Variants in PTPRG observed in about 807,000 individuals in gnomAD.
The protein encoded by PTPRG is protein tyrosine phosphatase receptor type G.
PTPRG carries 102 observed loss-of-function variants against 165.3 expected under a neutral mutation model. That is an observed-to-expected ratio of 0.62 (90% CI 0.53 to 0.73). PTPRG has a LOEUF of 0.73. Among genes scored for constraint, PTPRG ranks in the 30% least tolerant of loss-of-function variants. The pLI is 0.00. For synonymous variants in PTPRG, 675 were observed against 669.5 expected (o/e 1.01, Z -0.13); for missense variants, 1,866 against 1,861.4 (o/e 1.00, Z -0.05).
At chr3:61,893,445 G>C (rs925831064) in intron 2 of PTPRG, among the ~76,000 whole-genome samples, 3 of 152,208 alleles carry the variant, frequency 2.0e-5, no homozygotes, top group African/African-American at 7.2e-5. Context: ...AGTAGATCCA[G>C]AGTGATTACC....
rs573239261 is a variant in PTPRG at position 61,787,655 on chromosome 3, A to T, written c.190+38673A>T. On this transcript the variant is annotated intron_variant, in intron 2 of 29. Transcript: ENST00000474889. ...CCCCAGACCTTAATGTTCATTCCTT[A>T]TTGGAAGCCTTTAATTTTGGTATGA... Among the ~76,000 whole-genome samples the T allele has an allele frequency of 1.6e-3, 249 of 152,290 alleles. 3 individuals carry two copies. The highest frequency in any genetic ancestry group is 0.016 in the Admixed American group (241 of 15,296).
At chr3:61,585,586 A>T (rs1295158374) in intron 1 of PTPRG, among the ~76,000 whole-genome samples, 1 of 152,054 alleles carries the variant, frequency 6.6e-6, no homozygotes, top group Non-Finnish European at 1.5e-5. Flanking sequence ...CTCTACAAAA[A>T]AAGTACAAAA....
intron 1 of PTPRG, among the ~76,000 whole-genome samples, chr3:61,661,158 A>G (rs6803297): frequency 0.99 from 150,399 of 152,078 alleles, 74,399 homozygotes; most frequent in East Asian, 1. Context: ...CTGCAGCCTC[A>G]AACTCCTGGG....
At chr3:62,124,280 A>G (rs1231392509) in intron 5 of PTPRG, 17 of 1,538,850 alleles carry the variant, frequency 1.1e-5, no homozygotes, top group Admixed American at 1.7e-5. Context: ...CAGGATGCTG[A>G]TGTCCGTGTT....
chr3:61,593,836 T>C (rs1011773635), intron 1 of PTPRG, among the ~76,000 whole-genome samples: 12 of 152,184 alleles, frequency 7.9e-5, no homozygotes, highest in African/African-American at 2.9e-4. Flanking sequence ...AGCTAGCTGG[T>C]ACTCATCAAG....
At chr3:61,880,860 G>T (rs2037868505) in intron 2 of PTPRG, among the ~76,000 whole-genome samples, 1 of 151,936 alleles carries the variant, frequency 6.6e-6, no homozygotes, top group Admixed American at 6.6e-5. Flanking sequence ...GGGAGTTGGA[G>T]TCATAGAGTA....
intron 2 of PTPRG, among the ~76,000 whole-genome samples, chr3:61,874,723 A>G (rs1185580267): frequency 6.6e-6 from 1 of 152,204 alleles, no homozygotes; most frequent in Admixed American, 6.5e-5. Flanking sequence ...CAGGGACGCC[A>G]TAAACATAAA....
intron 2 of PTPRG, among the ~76,000 whole-genome samples, chr3:61,805,253 G>T (rs1488016441): frequency 6.6e-6 from 1 of 152,134 alleles, no homozygotes; most frequent in African/African-American, 2.4e-5. Flanking sequence ...AGCCTCTAGT[G>T]GGTAGAGGCC....
rs1703064170 is a variant in PTPRG at position 62,296,395 on chromosome 3, CTTG to C, written c.*3091_*3093del. On this transcript the variant is annotated 3_prime_UTR_variant, in exon 30 of 30. Transcript: ENST00000474889. Reference sequence around the variant, plus strand: ...TTTTATAATGACACAGCACAACTGCCTTGTTATGAATTTTTCTTAAATGCATAT... The same window carrying C: ...TTTTATAATGACACAGCACAACTGCCTTATGAATTTTTCTTAAATGCATAT... 2 of 151,574 alleles carry C rather than the reference CTTG, an allele frequency of 1.3e-5. No homozygotes were observed. Among genetic ancestry groups the C allele is most frequent in the Admixed American group, 6.6e-5 (1 of 15,172 alleles). The allele number at this position is 151,574 out of a possible 1,614,324, so 9.4% of individuals were successfully genotyped here.
At chr3:62,129,172 G>A (rs1444591315) in intron 5 of PTPRG, among the ~76,000 whole-genome samples, 1 of 152,136 alleles carries the variant, frequency 6.6e-6, no homozygotes, top group Non-Finnish European at 1.5e-5. Context: ...GCTCAGATGA[G>A]GTGAAGTCTG....
chr3:61,640,935 C>G (rs1191764254), intron 1 of PTPRG, among the ~76,000 whole-genome samples: 1 of 152,148 alleles, frequency 6.6e-6, no homozygotes, highest in Admixed American at 6.5e-5. Context: ...TGTTGGATTG[C>G]ATGGTGCCCC....
intron 2 of PTPRG, chr3:61,769,561 C>T (rs2034141914): frequency 6.6e-6 from 1 of 152,116 alleles, no homozygotes; most frequent in South Asian, 2.1e-4. Context: ...ATGTGTGACA[C>T]CACACTTAGA....
intron 1 of PTPRG, among the ~76,000 whole-genome samples, chr3:61,704,611 G>A (rs552885595): frequency 6.9e-6 from 1 of 144,476 alleles, no homozygotes; most frequent in East Asian, 2.0e-4. Flanking sequence ...AGAGCCACTA[G>A]TCTTATGTTA....
chr3:61,894,843 T>G, intron 2 of PTPRG, among the ~76,000 whole-genome samples: 1 of 147,486 alleles, frequency 6.8e-6, no homozygotes, highest in South Asian at 2.1e-4. Context: ...TTGCTTTTAT[T>G]TTTTTTTTTA....
chr3:62,027,830 A>T (rs573958484), intron 4 of PTPRG, among the ~76,000 whole-genome samples: 1 of 152,310 alleles, frequency 6.6e-6, no homozygotes, highest in Admixed American at 6.5e-5. Context: ...CGTCTATAGG[A>T]CAAGGCCGGG....
intron 2 of PTPRG, among the ~76,000 whole-genome samples, chr3:61,887,850 G>C (rs2038095882): frequency 6.6e-6 from 1 of 151,964 alleles, no homozygotes; most frequent in African/African-American, 2.4e-5. Flanking sequence ...ATATTGCTGA[G>C]GTCACATTCC....
rs1169177844 is a variant in PTPRG at position 61,738,279 on chromosome 3, CATATATATATAT to C, written c.86-10577_86-10566del. 3.2e-4 allele frequency among the ~76,000 whole-genome samples: 5 copies of C among 15,498 alleles called. 1 individual carries two copies. The South Asian group carries it at 7.9e-3, about 24-fold the overall frequency. 10.2% of individuals were successfully genotyped at this position (15,498 alleles called of 152,430 possible). On this transcript the variant is annotated intron_variant, in intron 1 of 29. Transcript: ENST00000474889. ...ATTTTTATATATATATATATATATA[CATATATATATAT>C]ATATATATATATATATATATACATA...
rs1396977033 is a variant in PTPRG, at chr3:62,240,755, T to C, written c.2376-3052T>C. On this transcript the variant is annotated intron_variant, in intron 14 of 29. Coordinates refer to ENST00000474889, the MANE Select transcript of PTPRG (RefSeq NM_002841.4). This position sits in a 1 kb window ranked among gnomAD's most constrained non-coding sequence, Gnocchi z 5.1. ...CTTGACCTGCCTAAAATGGTCTTCC[T>C]CCAGAGTTTTACAGGGTTAGACCTC... 3.3e-5 allele frequency among the ~76,000 whole-genome samples: 5 copies of C among 152,186 alleles called. No individual in the cohort carries two copies. Among genetic ancestry groups the C allele is most frequent in the Admixed American group, 6.5e-5 (1 of 15,284 alleles).
intron 1 of PTPRG, among the ~76,000 whole-genome samples, chr3:61,577,650 A>AT (rs1296282474): frequency 6.6e-6 from 1 of 152,194 alleles, no homozygotes; most frequent in East Asian, 1.9e-4. Context: ...AAAATTTTAA[A>AT]TTACACATGT....
Sources: gnomAD v4.1 joint callset for allele counts (sites outside exome capture counted in the v4.1 genomes callset) on GRCh38, gnomAD v4.1.1 for gene constraint, Gnocchi (gnomAD v3.1) non-coding constraint, MANE v1.5 for transcripts, NCBI Gene and HGNC (gene_info 2026-07-23, HGNC 2026-07-21) for gene names.